Variants in CDH19 observed in about 807,000 individuals in gnomAD.
The protein encoded by CDH19 is cadherin 19.
Under a neutral mutation model 64.2 loss-of-function variants are expected in CDH19, and 67 were observed. The ratio of observed to expected loss-of-function variants is 1.04; its 90% confidence interval spans 0.86 to 1.28. CDH19 has a LOEUF of 1.28. Among genes scored for constraint, CDH19 ranks in the 50% most tolerant of loss-of-function variants. The pLI is 0.00. For synonymous variants in CDH19, 346 were observed against 319.3 expected (o/e 1.08, Z -0.89); for missense variants, 1,030 against 929.0 (o/e 1.11, Z -1.41).
chr18:66,566,751 A>G (rs1407568821), intron 3 of CDH19, among the ~76,000 whole-genome samples: 1 of 151,800 alleles, frequency 6.6e-6, no homozygotes, highest in Non-Finnish European at 1.5e-5. Context: ...TTCTTCCTAC[A>G]ACGCTTGCCA....
intron 1 of CDH19, among the ~76,000 whole-genome samples, chr18:66,578,818 G>T (rs2144597282): frequency 6.6e-6 from 1 of 152,090 alleles, no homozygotes; most frequent in South Asian, 2.1e-4. Flanking sequence ...ATACTCAGTA[G>T]TGAAAAGAAA....
At chr18:66,590,029 T>A (rs1988696954) in intron 1 of CDH19, among the ~76,000 whole-genome samples, 3 of 151,952 alleles carry the variant, frequency 2.0e-5, no homozygotes, top group African/African-American at 7.2e-5. Context: ...ATGTGGAGAA[T>A]ACCTCAATCT....
Position 66,551,161 on chromosome 18 carries a change from C to A in CDH19, c.708G>T (p.Leu236Phe). ...AKDMIGQPGA[L>F]SGTTSVLIKL... ...TAATTAATACACTTGTTGTTCCAGACAACGCTCCTGGCTGACCAATCATGT... is the reference window on the plus strand; with the variant it reads ...TAATTAATACACTTGTTGTTCCAGAAAACGCTCCTGGCTGACCAATCATGT... Residue 236 changes from leucine (L) to phenylalanine (F), a missense_variant, in exon 5 of 12, where the codon TTG (leucine) becomes TTT (phenylalanine). By Grantham distance (22) the Leu-to-Phe change is conservative (BLOSUM62 0). Transcript: ENST00000262150. 1 of 1,608,644 alleles carries A rather than the reference C, an allele frequency of 6.2e-7. No homozygotes were observed. The highest frequency in any genetic ancestry group is 8.5e-7 in the Non-Finnish European group (1 of 1,175,392).
At chr18:66,596,201 CAT>C (rs1988883602) in intron 1 of CDH19, 1 of 152,060 alleles carries the variant, frequency 6.6e-6, no homozygotes, top group South Asian at 2.1e-4. Context: ...TCACAGCAAA[CAT>C]GATACTGAAT....
intron 1 of CDH19, among the ~76,000 whole-genome samples, chr18:66,598,534 C>T (rs995419590): frequency 2.6e-5 from 4 of 151,956 alleles, no homozygotes; most frequent in Admixed American, 6.6e-5. Context: ...TCCTTTGCCC[C>T]AATAGGATGG....
At chr18:66,538,710 G>C (rs1986773144) in intron 7 of CDH19, among the ~76,000 whole-genome samples, 1 of 152,072 alleles carries the variant, frequency 6.6e-6, no homozygotes, top group African/African-American at 2.4e-5. Flanking sequence ...TAAAATCAAA[G>C]TATCAACAGG....
At chr18:66,600,433 T>C (rs2144648776) in intron 1 of CDH19, among the ~76,000 whole-genome samples, 1 of 151,974 alleles carries the variant, frequency 6.6e-6, no homozygotes, top group Admixed American at 6.6e-5. Context: ...TCCTTTTTTA[T>C]GCACAAAAAA....
intron 7 of CDH19, among the ~76,000 whole-genome samples, chr18:66,539,624 T>G (rs1317388219): frequency 6.6e-6 from 1 of 152,100 alleles, no homozygotes; most frequent in Non-Finnish European, 1.5e-5. Flanking sequence ...TGCACTCCAG[T>G]TGATAAGGAT....
chr18:66,504,542 T>A lies in CDH19; in HGVS notation c.*270A>T. On this transcript the variant is annotated 3_prime_UTR_variant, in exon 12 of 12. Coordinates refer to ENST00000262150, the MANE Select transcript of CDH19 (RefSeq NM_021153.4). ...ATCGACTACATCTTGTGTCCTCTCA[T>A]CTACTTTTAATATCTTCCTAAATTA... 1 of 328,276 alleles carries A rather than the reference T, an allele frequency of 3.0e-6. No individual in the cohort carries two copies. Among genetic ancestry groups the A allele is most frequent in the Admixed American group, 4.3e-5 (1 of 23,324 alleles). The allele number at this position is 328,276 out of a possible 1,614,324, so 20.3% of individuals were successfully genotyped here. A position where few individuals can be genotyped will look rare whatever the true frequency, so the allele number is the denominator to read the frequency against.
chr18:66,509,379 T>G, intron 10 of CDH19, 133 bp from the exon 11 acceptor site: 1 of 686,042 alleles, frequency 1.5e-6, no homozygotes, highest in Non-Finnish European at 2.3e-6. Context: ...ACGAAATTTC[T>G]GACGAGAAGA....
chr18:66,588,823 G>A (rs1306819324), intron 1 of CDH19, among the ~76,000 whole-genome samples: 4 of 151,556 alleles, frequency 2.6e-5, no homozygotes, highest in African/African-American at 9.7e-5. Context: ...TTTGAAGACT[G>A]AAGTGGAATA....
chr18:66,567,662 C>T (rs923018910), intron 3 of CDH19, among the ~76,000 whole-genome samples: 2 of 151,560 alleles, frequency 1.3e-5, no homozygotes, highest in Admixed American at 1.3e-4. Context: ...AGCATGTTAC[C>T]GTAATTTAAA....
In CDH19 at chr18:66,504,364, A is replaced by T. The variant is rs1985078467; in HGVS notation, c.*448T>A. 1 of 145,348 alleles carries T rather than the reference A, an allele frequency of 6.9e-6. No homozygotes were observed. The highest frequency in any genetic ancestry group is 2.1e-4 in the South Asian group (1 of 4,686). The allele number at this position is 145,348 out of a possible 1,614,324, so 9.0% of individuals were successfully genotyped here. Reference sequence around the variant, plus strand: ...ATAATTCATGAAAATTTCTCTGACTATACATTTTCAATTTTCATGTCAATA... The same window carrying T: ...ATAATTCATGAAAATTTCTCTGACTTTACATTTTCAATTTTCATGTCAATA... On this transcript the variant is annotated 3_prime_UTR_variant, in exon 12 of 12. Coordinates refer to ENST00000262150, the MANE Select transcript of CDH19 (RefSeq NM_021153.4).
At chr18:66,576,643 A>T (rs2144592447) in intron 1 of CDH19, among the ~76,000 whole-genome samples, 1 of 151,790 alleles carries the variant, frequency 6.6e-6, no homozygotes, top group East Asian at 1.9e-4. Context: ...AAGATGAAAT[A>T]AAACCTTATT....
intron 9 of CDH19, among the ~76,000 whole-genome samples, chr18:66,514,462 A>G (rs942201089): frequency 2.6e-5 from 4 of 151,410 alleles, no homozygotes; most frequent in Non-Finnish European, 5.9e-5. Context: ...AGTACAGCCA[A>G]TGAGCTAATA....
chr18:66,508,468 GTCATGGAATCTTAGCACA>G (rs1985310035), intron 11 of CDH19, among the ~76,000 whole-genome samples: 1 of 151,644 alleles, frequency 6.6e-6, no homozygotes, highest in Non-Finnish European at 1.5e-5. Context: ...ATGTGTTGTG[GTCATGGAATCTTAGCACA>G]TCATTTTCTA....
intron 1 of CDH19, among the ~76,000 whole-genome samples, chr18:66,598,362 A>G (rs924143031): frequency 6.6e-6 from 1 of 152,200 alleles, no homozygotes; most frequent in Non-Finnish European, 1.5e-5. Context: ...AGGAATATAT[A>G]GTTCTACCAT....
At chr18:66,513,609 C>A (rs1198399891) in intron 9 of CDH19, among the ~76,000 whole-genome samples, 1 of 150,978 alleles carries the variant, frequency 6.6e-6, no homozygotes, top group Non-Finnish European at 1.5e-5. Flanking sequence ...TTAAATATAC[C>A]AATGGAAAGG....
intron 9 of CDH19, among the ~76,000 whole-genome samples, chr18:66,522,027 A>G (rs931013411): frequency 6.6e-6 from 1 of 151,392 alleles, no homozygotes; most frequent in Non-Finnish European, 1.5e-5. Flanking sequence ...GCTCACTGCA[A>G]GCTCCGCCTC....
Sources: allele counts gnomAD v4.1 joint callset (sites outside exome capture counted in the v4.1 genomes callset), GRCh38; gene constraint gnomAD v4.1.1; transcripts MANE v1.5; gene names NCBI Gene and HGNC (gene_info 2026-07-23, HGNC 2026-07-21).